Variants in DDIT3 observed in about 807,000 individuals in gnomAD.
DDIT3 encodes DNA damage inducible transcript 3.
DDIT3 carries 14 observed loss-of-function variants against 17.6 expected under a neutral mutation model. The observed-to-expected ratio is 0.80, with a 90% CI of 0.53 to 1.25. The LOEUF (loss-of-function observed/expected upper bound fraction) is 1.25. Ranked by LOEUF, DDIT3 falls within the 50% of genes most tolerant of loss-of-function variation. The pLI is 0.00. For synonymous variants in DDIT3, 93 were observed against 76.5 expected, an observed-to-expected ratio of 1.22 and a Z score of -1.13; for missense variants, 216 against 202.7, an observed-to-expected ratio of 1.07 and a Z score of -0.40.
chr12:57,517,392 T>C lies in DDIT3; in HGVS notation c.15A>G (p.Ser5=), dbSNP rs1197610124. The C allele has an allele frequency of 2.5e-6, 4 of 1,610,104 alleles. No individual in the cohort carries two copies. In the South Asian group the frequency reaches 3.3e-5, roughly 13 times the overall value. Residue 5 remains serine, a synonymous_variant, in exon 3 of 4, where the codon TCA becomes TCG. Transcript: ENST00000346473. MAAE[S]LPFSFGTLSS... is the part of the protein sequence containing the mutation. ...ACAGTGTCCCGAAGGAGAAAGGCAA[T>C]GACTCAGCTGCCATCTCTGCAGTTG...
intron 1 of DDIT3, 97 bp from the exon 2 acceptor site, chr12:57,517,850 C>A: frequency 2.3e-6 from 1 of 431,790 alleles, no homozygotes; most frequent in Non-Finnish European, 4.0e-6. Context: ...TTTTTTGAGA[C>A]CAAGTCTTGC....
At position 57,520,490 on chromosome 12, in the gene DDIT3, A is replaced by C; in HGVS notation, c.-153T>G. The C allele has an allele frequency of 2.5e-6, 1 of 398,638 alleles. No homozygotes were observed. The highest frequency in any genetic ancestry group is 3.6e-5 in the East Asian group (1 of 28,068). 24.7% of individuals were successfully genotyped at this position (398,638 alleles called of 1,614,324 possible). A position where few individuals can be genotyped will look rare whatever the true frequency, so the allele number is the denominator to read the frequency against. On this transcript the variant is annotated 5_prime_UTR_variant, in exon 1 of 4. Transcript: ENST00000346473. ...CGCTCATCTTTAACATGATACGCTC[A>C]GTGCCTTAGACTTAAGTCTCTGACC... is the stretch of plus-strand genomic sequence containing the variant.
At position 57,516,725 on chromosome 12, in the gene DDIT3, G is replaced by A. The variant is rs1877868169; in HGVS notation, c.*84C>T. 1.3e-6 allele frequency: 2 copies of A among 1,548,950 alleles called. No homozygotes were observed. Among genetic ancestry groups the A allele is most frequent in the East Asian group, 4.5e-5 (2 of 44,468 alleles). ...ATGTGGGATTGAGGGTCACATCATT[G>A]GCACTAGTGAGAGGGTAGTCAGTAG... On this transcript the variant is annotated 3_prime_UTR_variant, in exon 4 of 4. Coordinates refer to ENST00000346473, the MANE Select transcript of DDIT3 (RefSeq NM_004083.6).
Position 57,516,807 on chromosome 12 carries a change from G to T in DDIT3, c.*2C>A, listed in dbSNP as rs772089247. On this transcript the variant is annotated 3_prime_UTR_variant, in exon 4 of 4. Coordinates refer to ENST00000346473, the MANE Select transcript of DDIT3 (RefSeq NM_004083.6). ...AAGTGGGGGACTGATGCTCCCAATT[G>T]TTCATGCTTGGTGCAGATTCACCAT... 19 of 1,608,834 alleles carry T rather than the reference G, an allele frequency of 1.2e-5. No homozygotes were observed. The highest frequency in any genetic ancestry group is 1.5e-5 in the Non-Finnish European group (18 of 1,179,462).
At position 57,517,728 on chromosome 12, in the gene DDIT3, A is replaced by G. The variant is rs1877977611; in HGVS notation, c.-55T>C. ...TACCTGCTTTCAGGTGTGGTGATGT[A>G]TGAAGATACACTTCCTTCTTGAACA... On this transcript the variant is annotated 5_prime_UTR_variant, in exon 2 of 4. Transcript: ENST00000346473. The G allele has an allele frequency of 3.8e-6, 2 of 529,568 alleles. No homozygotes were observed. Among genetic ancestry groups the G allele is most frequent in the Non-Finnish European group, 6.7e-6 (2 of 299,840 alleles). The allele number at this position is 529,568 out of a possible 1,614,324, so 32.8% of individuals were successfully genotyped here.
chr12:57,517,049 C>T lies in DDIT3; in HGVS notation c.270G>A (p.Leu90=). 2 of 1,614,130 alleles carry T rather than the reference C, an allele frequency of 1.2e-6. No homozygotes were observed. The highest frequency in any genetic ancestry group is 1.7e-5 in the Admixed American group (1 of 60,018). Reference sequence around the variant, plus strand: ...GGTCTTCCTCCTCTTCCTCCTGAGCCAGGGAGCTCTGACTGGAATCTGGAG... The same window carrying T: ...GGTCTTCCTCCTCTTCCTCCTGAGCTAGGGAGCTCTGACTGGAATCTGGAG... The part of the protein sequence containing the change: ...PHSPDSSQSS[L]AQEEEEEDQG... Residue 90 remains leucine (L), a synonymous_variant, in exon 4 of 4, where the codon CTG becomes CTA. Coordinates refer to ENST00000346473, the MANE Select transcript of DDIT3 (RefSeq NM_004083.6).
chr12:57,516,955 C>G lies in DDIT3; in HGVS notation c.364G>C (p.Glu122Gln). 1 of 1,613,940 alleles carries G rather than the reference C, an allele frequency of 6.2e-7. No individual in the cohort carries two copies. Among genetic ancestry groups the G allele is most frequent in the Non-Finnish European group, 8.5e-7 (1 of 1,179,988 alleles). ...TTCCTTTCATTCTCCTGTTCTTTCT[C>G]CTTCATGCGCTGCTTTCCAGCCCGG... Reference protein sequence around the residue: ...PARAGKQRMKEKEQENERKVA... With the variant: ...PARAGKQRMKQKEQENERKVA... Residue 122 changes from glutamate (E) to glutamine (Q), a missense_variant, in exon 4 of 4, where the codon GAG becomes CAG. Transcript: ENST00000346473.
Position 57,519,721 on chromosome 12 carries a change from A to G in DDIT3, c.-81+697T>C, listed in dbSNP as rs1254563138. Among the ~76,000 whole-genome samples, 5 of 152,314 alleles carry G rather than the reference A, an allele frequency of 3.3e-5. No homozygotes were observed. In the East Asian group the frequency reaches 7.7e-4, roughly 23 times the overall value. The stretch of plus-strand genomic sequence containing the variant: ...TGGTTACACAGAGATTAGCTGGGAG[A>G]CAGGACCGGGTTAAAGAGGCAGGGA... On this transcript the variant is annotated intron_variant, in intron 1 of 3. Coordinates refer to ENST00000346473, the MANE Select transcript of DDIT3 (RefSeq NM_004083.6).
At chr12:57,519,861 A>G (rs1565656351) in intron 1 of DDIT3, among the ~76,000 whole-genome samples, 1 of 152,152 alleles carries the variant, frequency 6.6e-6, no homozygotes, top group East Asian at 1.9e-4. Context: ...GCAAAAGGAA[A>G]ACACACCACT....
In DDIT3 at chr12:57,517,085, C is replaced by T. The variant is rs758258051; in HGVS notation, c.234G>A (p.Gln78=). 1 of 1,614,174 alleles carries T rather than the reference C, an allele frequency of 6.2e-7. No homozygotes were observed. The highest frequency in any genetic ancestry group is 1.7e-4 in the Middle Eastern group (1 of 6,060). The change falls in exon 4 of 4, where the codon CAG becomes CAA. Residue 78 remains glutamine, a synonymous_variant. Transcript: ENST00000346473. ...PEPAEVTSTS[Q]SPHSPDSSQS... is the part of the protein sequence containing the mutation. ...GACTGGAATCTGGAGAGTGAGGGCT[C>T]TGGGAGGTGCTTGTGACCTCTGCTG...
At position 57,517,323 on chromosome 12, in the gene DDIT3, G is replaced by T; in HGVS notation, c.84C>A (p.Val28=). ...LEAWYEDLQE[V]LSSDENGGTY... ...TACCCCCATTTTCATCTGAAGACAGGACCTCTTGCAGGTCCTCATACCAGG... is the reference window on the plus strand; with the variant it reads ...TACCCCCATTTTCATCTGAAGACAGTACCTCTTGCAGGTCCTCATACCAGG... Residue 28 remains valine, a synonymous_variant, in exon 3 of 4, where the codon GTC becomes GTA. Coordinates refer to ENST00000346473, the MANE Select transcript of DDIT3 (RefSeq NM_004083.6). The T allele has an allele frequency of 6.2e-7, 1 of 1,614,060 alleles. No homozygotes were observed. Among genetic ancestry groups the T allele is most frequent in the South Asian group, 1.1e-5 (1 of 91,066 alleles).
intron 1 of DDIT3, 60 bp downstream of exon 1, chr12:57,520,358 G>C: frequency 2.5e-6 from 1 of 398,544 alleles, no homozygotes; most frequent in Non-Finnish European, 4.4e-6. Context: ...ATCCTAAAGA[G>C]CGGACGCCCC....
In DDIT3 at chr12:57,520,514, C is replaced by G. The variant is rs547332358; in HGVS notation, c.-177G>C. 2.5e-6 allele frequency: 1 copy of G among 398,618 alleles called. No homozygotes were observed. The highest frequency in any genetic ancestry group is 4.4e-6 in the Non-Finnish European group (1 of 226,050). 24.7% of individuals were successfully genotyped at this position (398,618 alleles called of 1,614,324 possible). The stretch of plus-strand genomic sequence containing the variant: ...CAGTGCCTTAGACTTAAGTCTCTGA[C>G]CTCGGGAGCGCCTGGCTGTAATCTT... On this transcript the variant is annotated 5_prime_UTR_variant, in exon 1 of 4. Transcript: ENST00000346473.
chr12:57,520,224 G>A (rs1221138805), intron 1 of DDIT3, among the ~76,000 whole-genome samples, 194 bp downstream of exon 1: 1 of 152,202 alleles, frequency 6.6e-6, no homozygotes, highest in Non-Finnish European at 1.5e-5. Context: ...TCCGGCTCCG[G>A]GCAGGGGTGG....
In DDIT3 at chr12:57,516,835, G is replaced by A. The variant is rs1225144779; in HGVS notation, c.484C>T (p.Arg162Ter). 1.9e-6 allele frequency: 3 copies of A among 1,611,968 alleles called. No individual in the cohort carries two copies. The highest frequency in any genetic ancestry group is 1.7e-4 in the Middle Eastern group (1 of 6,060). Residue 162 changes from arginine (R) to a stop codon, truncating the protein, a stop_gained, in exon 4 of 4, where the codon CGA becomes TGA. Coordinates refer to ENST00000346473, the MANE Select transcript of DDIT3 (RefSeq NM_004083.6). LOFTEE classifies it high-confidence loss of function. ...CATGCTTGGTGCAGATTCACCATTC[G>A]GTCAATCAGAGCTCGGCGAGTCGCC... ...VEATRRALID[R>*]MVNLHQA
At chr12:57,517,246 A>G in intron 3 of DDIT3, 23 bp downstream of exon 3, 4 of 1,613,614 alleles carry the variant, frequency 2.5e-6, no homozygotes, top group Non-Finnish European at 3.4e-6. Flanking sequence ...ATCCCCCTTT[A>G]GCTTTAGGGC....
chr12:57,516,931 T>G lies in DDIT3; in HGVS notation c.388A>C (p.Lys130Gln). 1 of 1,614,166 alleles carries G rather than the reference T, an allele frequency of 6.2e-7. No individual in the cohort carries two copies. Among genetic ancestry groups the G allele is most frequent in the Non-Finnish European group, 8.5e-7 (1 of 1,180,040 alleles). ...TTCTCTTCAGCTAGCTGTGCCACTTTCCTTTCATTCTCCTGTTCTTTCTCC... is the reference window on the plus strand; with the variant it reads ...TTCTCTTCAGCTAGCTGTGCCACTTGCCTTTCATTCTCCTGTTCTTTCTCC... ...MKEKEQENER[K>Q]VAQLAEENER... The change falls in exon 4 of 4, where the codon AAA (lysine) becomes CAA (glutamine). Residue 130 changes from lysine (K) to glutamine (Q), a missense_variant. Coordinates refer to ENST00000346473, the MANE Select transcript of DDIT3 (RefSeq NM_004083.6).
chr12:57,520,057 C>G (rs1878184113), intron 1 of DDIT3, among the ~76,000 whole-genome samples: 4 of 152,208 alleles, frequency 2.6e-5, no homozygotes, highest in Non-Finnish European at 4.4e-5. Context: ...ACGGCCTGAG[C>G]GATGGTCACC....
chr12:57,516,732 G>A lies in DDIT3; in HGVS notation c.*77C>T. ...ATTGAGGGTCACATCATTGGCACTA[G>A]TGAGAGGGTAGTCAGTAGCCACTTC... On this transcript the variant is annotated 3_prime_UTR_variant, in exon 4 of 4. Transcript: ENST00000346473. 1 of 1,562,244 alleles carries A rather than the reference G, an allele frequency of 6.4e-7. No homozygotes were observed. The highest frequency in any genetic ancestry group is 8.7e-7 in the Non-Finnish European group (1 of 1,155,610).
Sources: allele counts gnomAD v4.1 joint callset (sites outside exome capture counted in the v4.1 genomes callset), GRCh38; gene constraint gnomAD v4.1.1; transcripts MANE v1.5; gene names NCBI Gene and HGNC (gene_info 2026-07-23, HGNC 2026-07-21).